The following CNN3 variants were observed in gnomAD, a reference collection of about 807,000 sequenced individuals.
CNN3 encodes the protein calponin-3.
In CNN3, 11 loss-of-function variants were observed where a neutral mutation model predicts 39.0. The ratio of observed to expected loss-of-function variants is 0.28; its 90% CI spans 0.18 to 0.47. The LOEUF is 0.47. Among genes scored for constraint, CNN3 ranks in the 20% least tolerant of loss-of-function variants. CNN3 has a pLI of 0.99. For missense variants in CNN3, 266 were observed against 403.4 expected, an observed-to-expected ratio of 0.66 and a Z score of 2.92; for synonymous variants, 101 against 138.3, an observed-to-expected ratio of 0.73 and a Z score of 1.89.
Position 94,897,956 on chromosome 1 carries a change from C to T in CNN3, c.776G>A (p.Ser259Asn). The part of the protein sequence containing the change: ...TNKVASQKGM[S>N]VYGLGRQVYD... Reference sequence around the variant, plus strand: ...TACTTGCCGCCCAAGCCCATACACACTCATTCCTTTCTGGGAAGCAACTTT... The same window carrying T: ...TACTTGCCGCCCAAGCCCATACACATTCATTCCTTTCTGGGAAGCAACTTT... Residue 259 changes from serine to asparagine, a missense_variant, in exon 7 of 7, where the codon AGT becomes AAT. Transcript: ENST00000370206. 1 of 1,614,158 alleles carries T rather than the reference C, an allele frequency of 6.2e-7. No homozygotes were observed.
intron 5 of CNN3, among the ~76,000 whole-genome samples, chr1:94,900,308 T>C (rs1670830595): frequency 6.6e-6 from 1 of 152,232 alleles, no homozygotes; most frequent in Non-Finnish European, 1.5e-5. Context: ...GGAAAAATCA[T>C]TGTGATACCA....
intron 5 of CNN3, among the ~76,000 whole-genome samples, chr1:94,901,108 C>T (rs1324741011): frequency 6.6e-6 from 1 of 152,060 alleles, no homozygotes; most frequent in Non-Finnish European, 1.5e-5. Flanking sequence ...AATCCAAGCA[C>T]TTTGGGAGGC....
Position 94,926,889 on chromosome 1 carries a change from G to C in CNN3, c.6C>G (p.Thr2=), listed in dbSNP as rs769835235. The change falls in exon 1 of 7, where the codon ACC becomes ACG. Residue 2 remains threonine, a synonymous_variant. Coordinates refer to ENST00000370206, the MANE Select transcript of CNN3 (RefSeq NM_001839.5). This position sits in a 1 kb window ranked among gnomAD's most constrained non-coding sequence, Gnocchi z 4.2. The part of the protein sequence containing the change: M[T]HFNKGPSYGL... The stretch of plus-strand genomic sequence containing the variant: ...CATAGGAAGGGCCCTTGTTGAAGTG[G>C]GTCATGGTGGTTCGGGCGGCGGGAA... 3 of 1,608,886 alleles carry C rather than the reference G, an allele frequency of 1.9e-6. No homozygotes were observed. The highest frequency in any genetic ancestry group is 2.2e-5 in the South Asian group (2 of 90,748).
At chr1:94,925,373 T>C (rs1240744433) in intron 1 of CNN3, among the ~76,000 whole-genome samples, 2 of 152,232 alleles carry the variant, frequency 1.3e-5, no homozygotes, top group Admixed American at 6.5e-5. Flanking sequence ...CAGTAACTTG[T>C]TACAAACTTT....
rs1346869244 is a variant in CNN3 at position 94,926,604 on chromosome 1, C to T, written c.57+234G>A. On this transcript the variant is annotated intron_variant, in intron 1 of 6. Coordinates refer to ENST00000370206, the MANE Select transcript of CNN3 (RefSeq NM_001839.5). This position sits in a 1 kb window ranked among gnomAD's most constrained non-coding sequence, Gnocchi z 4.2. ...CAGGCGCCCGGGAACCCACCGCCAG[C>T]CACTAGTCCTGTCCCACGGCGCGGG... Among the ~76,000 whole-genome samples the T allele has an allele frequency of 6.6e-6, 1 of 152,116 alleles. No homozygotes were observed. The highest frequency in any genetic ancestry group is 2.4e-5 in the African/African-American group (1 of 41,440).
chr1:94,914,468 C>A (rs561654754), intron 1 of CNN3, among the ~76,000 whole-genome samples: 62 of 152,172 alleles, frequency 4.1e-4, no homozygotes, highest in Non-Finnish European at 7.2e-4. Flanking sequence ...TCACAGATCA[C>A]TGACCACCCG....
intron 3 of CNN3, 136 bp from the exon 4 acceptor site, chr1:94,902,394 C>T (rs1221393121): frequency 3.0e-6 from 2 of 668,894 alleles, no homozygotes; most frequent in Admixed American, 5.5e-5. Context: ...CAAATACATA[C>T]TAAGCATGGC....
intron 1 of CNN3, among the ~76,000 whole-genome samples, chr1:94,917,658 T>G (rs1342440760): frequency 6.6e-6 from 1 of 152,154 alleles, no homozygotes; most frequent in Non-Finnish European, 1.5e-5. Flanking sequence ...AAAGGAAATA[T>G]CCACCAGCAG....
intron 1 of CNN3, among the ~76,000 whole-genome samples, chr1:94,905,356 T>TC (rs1178550790): frequency 1.3e-5 from 2 of 152,066 alleles, no homozygotes; most frequent in South Asian, 2.1e-4. Flanking sequence ...ACATTCCAGG[T>TC]CCCCCTCTTG....
At chr1:94,903,664 C>A (rs1224534704) in intron 1 of CNN3, 140 bp from the exon 2 acceptor site, 87 of 1,098,838 alleles carry the variant, frequency 7.9e-5, no homozygotes, top group Non-Finnish European at 1.0e-4. Context: ...ATCTCAATGG[C>A]AAACTTAACC....
chr1:94,919,568 C>T (rs954674934), intron 1 of CNN3, among the ~76,000 whole-genome samples: 9 of 152,116 alleles, frequency 5.9e-5, no homozygotes, highest in African/African-American at 2.2e-4. Context: ...GCCTGGGTAA[C>T]ATTAAGGGTG....
In CNN3 at chr1:94,897,665, T is replaced by C; in HGVS notation, c.*77A>G. ...TTAATAGTGTTTTAGGAAGACAAGA[T>C]AAAAATTACTCAAGGCTAGCTTGGT... is the stretch of plus-strand genomic sequence containing the variant. On this transcript the variant is annotated 3_prime_UTR_variant, in exon 7 of 7. Coordinates refer to ENST00000370206, the MANE Select transcript of CNN3 (RefSeq NM_001839.5). 7.5e-7 allele frequency: 1 copy of C among 1,332,746 alleles called. No individual in the cohort carries two copies. The highest frequency in any genetic ancestry group is 1.0e-6 in the Non-Finnish European group (1 of 957,668). 82.6% of individuals were successfully genotyped at this position (1,332,746 alleles called of 1,614,324 possible).
chr1:94,900,323 CCATT>C (rs1224014463), intron 5 of CNN3, among the ~76,000 whole-genome samples: 3 of 152,170 alleles, frequency 2.0e-5, no homozygotes, highest in Non-Finnish European at 2.9e-5. Flanking sequence ...ATACCACCAT[CCATT>C]CACTGTCAAC....
At chr1:94,924,831 T>A (rs1671538257) in intron 1 of CNN3, among the ~76,000 whole-genome samples, 1 of 152,234 alleles carries the variant, frequency 6.6e-6, no homozygotes, top group South Asian at 2.1e-4. Context: ...CTCCTCACCT[T>A]ACAGGACTGC....
intron 1 of CNN3, among the ~76,000 whole-genome samples, chr1:94,905,512 T>G (rs1316302922): frequency 6.6e-6 from 1 of 152,186 alleles, no homozygotes; most frequent in Non-Finnish European, 1.5e-5. Context: ...ATGATTTCAC[T>G]AAATTACTGT....
At position 94,899,411 on chromosome 1, in the gene CNN3, G is replaced by A; in HGVS notation, c.608C>T (p.Thr203Ile). The A allele has an allele frequency of 1.2e-6, 2 of 1,614,056 alleles. No individual in the cohort carries two copies. The highest frequency in any genetic ancestry group is 1.7e-6 in the Non-Finnish European group (2 of 1,179,972). The change falls in exon 6 of 7, where the codon ACA becomes ATA. Residue 203 changes from threonine (T) to isoleucine (I), a missense_variant. Coordinates refer to ENST00000370206, the MANE Select transcript of CNN3 (RefSeq NM_001839.5). Reference protein sequence around the residue: ...MQTDKPFDQTTISLQMGTNKG... With the variant: ...MQTDKPFDQTIISLQMGTNKG... ...ATTAGTGCCCATCTGCAGACTAATT[G>A]TGGTCTGGTCAAAAGGTTTGTCAGT...
At chr1:94,900,332 G>A (rs148507582) in intron 5 of CNN3, among the ~76,000 whole-genome samples, 1 of 152,284 alleles carries the variant, frequency 6.6e-6, no homozygotes, top group East Asian at 1.9e-4. Context: ...TCCATTCACT[G>A]TCAACATTTG....
rs1479642854 is a variant in CNN3, at chr1:94,898,058, C to T, written c.674G>A (p.Arg225Lys). 1.2e-6 allele frequency: 2 copies of T among 1,613,754 alleles called. No individual in the cohort carries two copies. Among genetic ancestry groups the T allele is most frequent in the African/African-American group, 1.3e-5 (1 of 74,926 alleles). ...SQAGMLAPGT[R>K]RDIYDQKLTL... ...TAGCTTCTGATCATAGATGTCTCTT[C>T]TGGTACCTGGTGCTAACATCCCTGC... is the stretch of plus-strand genomic sequence containing the variant. Residue 225 changes from arginine (R) to lysine (K), a missense_variant, in exon 7 of 7, where the codon AGA (arginine) becomes AAA (lysine). Physicochemically the swap from Arg to Lys is conservative, Grantham distance 26. Transcript: ENST00000370206.
chr1:94,908,558 T>G (rs1671075248), intron 1 of CNN3, among the ~76,000 whole-genome samples: 1 of 152,258 alleles, frequency 6.6e-6, no homozygotes, highest in Non-Finnish European at 1.5e-5. Flanking sequence ...TTTGTTTTTT[T>G]GAGACGGAGT....
Sources: gnomAD v4.1 joint callset for allele counts (sites outside exome capture counted in the v4.1 genomes callset) on GRCh38, gnomAD v4.1.1 for gene constraint, Gnocchi (gnomAD v3.1) non-coding constraint, MANE v1.5 for transcripts, NCBI Gene and HGNC (gene_info 2026-07-23, HGNC 2026-07-21) for gene names.